Variants in ITPR1 observed in about 807,000 individuals in gnomAD.
ITPR1 encodes inositol 1,4,5-trisphosphate-gated calcium channel ITPR1.
In ITPR1, 96 loss-of-function variants were observed where a neutral mutation model predicts 318.4. That is an observed-to-expected ratio of 0.30 (90% CI 0.26 to 0.36). The LOEUF (loss-of-function observed/expected upper bound fraction) is 0.36, where lower values mean the gene tolerates loss of function less well. ITPR1 is among the 10% of genes least tolerant of loss of function. The probability of loss-of-function intolerance (pLI) is 1.00; values close to 1 mark genes in which losing one functional copy is unlikely to be tolerated. For missense variants in ITPR1, 2,440 were observed against 3,460.2 expected, an observed-to-expected ratio of 0.71 and a Z score of 7.40; for synonymous variants, 1,312 against 1,289.9, an observed-to-expected ratio of 1.02 and a Z score of -0.37.
chr3:4,516,717 C>T, intron 3 of ITPR1, 134 bp downstream of exon 3: 2 of 672,578 alleles, frequency 3.0e-6, no homozygotes, highest in Admixed American at 3.1e-5. Context: ...ATCACAAACA[C>T]CAAATCTCAT....
At chr3:4,617,632 G>T (rs1328992563) in intron 4 of ITPR1, among the ~76,000 whole-genome samples, 1 of 152,100 alleles carries the variant, frequency 6.6e-6, no homozygotes, top group Non-Finnish European at 1.5e-5. Flanking sequence ...GTTGTTTCTT[G>T]TCAGTCTGTA....
At chr3:4,554,716 G>T (rs899427172) in intron 4 of ITPR1, among the ~76,000 whole-genome samples, 3 of 152,056 alleles carry the variant, frequency 2.0e-5, no homozygotes, top group Non-Finnish European at 4.4e-5. Flanking sequence ...CCAGTGACTC[G>T]AAATATCTGT....
At chr3:4,601,049 T>A (rs766913919) in intron 4 of ITPR1, among the ~76,000 whole-genome samples, 1 of 151,968 alleles carries the variant, frequency 6.6e-6, no homozygotes, top group Non-Finnish European at 1.5e-5. Flanking sequence ...TTAGTGGTGG[T>A]GGGCTGTGGA....
In ITPR1 at chr3:4,683,775, G is replaced by GA. The variant is rs759493519; in HGVS notation, c.3479dup (p.Asn1160LysfsTer2). The stretch of plus-strand genomic sequence containing the variant: ...TGAGACTATGGATGGTGCATCTGGA[G>GA]AAAATGAACATAAGAAAACGGAGGT... On this transcript the variant is annotated frameshift_variant, in exon 28 of 62. Transcript: ENST00000649015. LOFTEE classifies it high-confidence loss of function. The GA allele has an allele frequency of 1.2e-6, 2 of 1,613,892 alleles. No homozygotes were observed. The highest frequency in any genetic ancestry group is 1.7e-6 in the Non-Finnish European group (2 of 1,179,812).
intron 12 of ITPR1, among the ~76,000 whole-genome samples, chr3:4,654,962 T>C (rs17709863): frequency 0.49 from 73,692 of 151,914 alleles, 18,534 homozygotes; most frequent in African/African-American, 0.62. Flanking sequence ...CACCTTCCTT[T>C]TTTTCATCCT....
chr3:4,770,315 A>G (rs1232881921), intron 46 of ITPR1, among the ~76,000 whole-genome samples: 1 of 152,206 alleles, frequency 6.6e-6, no homozygotes, highest in Non-Finnish European at 1.5e-5. Context: ...TAGCTAAGAA[A>G]TTATATTGTT....
chr3:4,796,094 A>C (rs1000442775), intron 53 of ITPR1, among the ~76,000 whole-genome samples: 1 of 152,212 alleles, frequency 6.6e-6, no homozygotes, highest in African/African-American at 2.4e-5. Flanking sequence ...TCTTTAGCTT[A>C]ATCATGCAGA....
intron 4 of ITPR1, among the ~76,000 whole-genome samples, chr3:4,626,813 C>T (rs1304568315): frequency 1.3e-5 from 2 of 152,080 alleles, no homozygotes; most frequent in Admixed American, 1.3e-4. Flanking sequence ...TCCAAATAAG[C>T]ATCTTATTTA....
rs1309220422 is a variant in ITPR1 at position 4,608,474 on chromosome 3, A to G, written c.164-19289A>G. Among the ~76,000 whole-genome samples, 18 of 152,100 alleles carry G rather than the reference A, an allele frequency of 1.2e-4. 1 individual carries two copies. The highest frequency in any genetic ancestry group is 1.2e-3 in the Admixed American group (18 of 15,278). On this transcript the variant is annotated intron_variant, in intron 4 of 61. Transcript: ENST00000649015. ...ATCAGTCCATCTTCCCACTTTTGCT[A>G]ACTTTAGGGCATTGGTTCTCAAGAA...
chr3:4,694,263 T>G (rs1170544229), intron 33 of ITPR1, among the ~76,000 whole-genome samples: 4 of 150,806 alleles, frequency 2.7e-5, no homozygotes, highest in Non-Finnish European at 5.9e-5. Context: ...TTATATTGAT[T>G]AGTAATGAAA....
At chr3:4,777,471 A>G (rs1559878124) in intron 48 of ITPR1, 97 bp downstream of exon 48, 1 of 720,514 alleles carries the variant, frequency 1.4e-6, no homozygotes, top group Non-Finnish European at 2.4e-6. Flanking sequence ...CATGAGAGTA[A>G]ATATTAAAGA....
intron 4 of ITPR1, among the ~76,000 whole-genome samples, chr3:4,572,567 G>C (rs1163847916): frequency 2.0e-5 from 3 of 152,122 alleles, no homozygotes; most frequent in South Asian, 4.1e-4. Context: ...GATAATGTGA[G>C]TTTCATTTTT....
intron 54 of ITPR1, 60 bp from the exon 55 acceptor site, chr3:4,806,043 G>A: frequency 7.2e-7 from 1 of 1,387,512 alleles, no homozygotes; most frequent in South Asian, 1.4e-5. Context: ...TGCTCTCGTT[G>A]CTCTCATGAA....
chr3:4,545,575 A>G (rs781361137), intron 4 of ITPR1, among the ~76,000 whole-genome samples: 18 of 144,156 alleles, frequency 1.2e-4, no homozygotes, highest in Non-Finnish European at 2.4e-4. Context: ...GTGAGCCATG[A>G]CTGTGCCACT....
intron 4 of ITPR1, among the ~76,000 whole-genome samples, chr3:4,570,611 T>A (rs1488524744): frequency 2.6e-5 from 4 of 152,268 alleles, no homozygotes; most frequent in Non-Finnish European, 5.9e-5. Flanking sequence ...ATATTTATTT[T>A]ACAATAAACT....
At chr3:4,751,818 A>T (rs1198921648) in intron 44 of ITPR1, among the ~76,000 whole-genome samples, 2 of 152,206 alleles carry the variant, frequency 1.3e-5, no homozygotes, top group Non-Finnish European at 1.5e-5. Context: ...CAACAGCTAG[A>T]TTCCTGATGC....
chr3:4,686,264 A>T (rs1472033396), intron 30 of ITPR1, among the ~76,000 whole-genome samples: 1 of 152,168 alleles, frequency 6.6e-6, no homozygotes, highest in Non-Finnish European at 1.5e-5. Context: ...GAAATTTCCT[A>T]TGAAAGGATC....
At chr3:4,674,461 T>A in intron 22 of ITPR1, 118 bp downstream of exon 22, 1 of 800,514 alleles carries the variant, frequency 1.2e-6, no homozygotes, top group South Asian at 2.1e-5. Flanking sequence ...TCTGGTTTTG[T>A]AATGGAAAGG....
At chr3:4,561,942 A>G (rs942842570) in intron 4 of ITPR1, among the ~76,000 whole-genome samples, 3 of 152,284 alleles carry the variant, frequency 2.0e-5, no homozygotes, top group Non-Finnish European at 1.5e-5. Flanking sequence ...GGCCACTGAC[A>G]TTTATTCAAT....
Sources: allele counts gnomAD v4.1 joint callset (sites outside exome capture counted in the v4.1 genomes callset), GRCh38; gene constraint gnomAD v4.1.1; transcripts MANE v1.5; gene names NCBI Gene and HGNC (gene_info 2026-07-23, HGNC 2026-07-21).